The following RASAL2 variants were observed in gnomAD, a reference collection of about 807,000 sequenced individuals.
RASAL2 encodes the protein RAS protein activator like 2, also known as ras GTPase-activating protein nGAP.
In RASAL2, 58 loss-of-function variants were observed where a neutral mutation model predicts 128.9. The ratio of observed to expected loss-of-function variants is 0.45; its 90% CI spans 0.36 to 0.56. The LOEUF (loss-of-function observed/expected upper bound fraction) is 0.56, where lower values mean the gene tolerates loss of function less well. Ranked by LOEUF, RASAL2 falls within the 20% of genes least tolerant of loss-of-function variation. RASAL2 has a pLI of 0.00. For missense variants in RASAL2, 1,360 were observed against 1,601.6 expected, an observed-to-expected ratio of 0.85 and a Z score of 2.57; for synonymous variants, 561 against 580.8, an observed-to-expected ratio of 0.97 and a Z score of 0.49.
At chr1:178,288,777 A>C (rs1667149399) in intron 2 of RASAL2, among the ~76,000 whole-genome samples, 1 of 148,822 alleles carries the variant, frequency 6.7e-6, no homozygotes, top group African/African-American at 2.5e-5. Context: ...TAGCCTCCTG[A>C]GTAGCTGGAA....
At chr1:178,436,152 G>C (rs1458996297) in intron 5 of RASAL2, among the ~76,000 whole-genome samples, 1 of 152,036 alleles carries the variant, frequency 6.6e-6, no homozygotes, top group Non-Finnish European at 1.5e-5. Context: ...GCCAGTCCCA[G>C]GCTGTTTGAT....
chr1:178,315,801 C>A (rs1459536858), intron 3 of RASAL2, among the ~76,000 whole-genome samples: 3 of 134,060 alleles, frequency 2.2e-5, no homozygotes, highest in African/African-American at 9.6e-5. Context: ...TTAATTAGAT[C>A]CCATTTGTCA....
intron 3 of RASAL2, among the ~76,000 whole-genome samples, chr1:178,303,173 G>T (rs529493549): frequency 6.6e-6 from 1 of 152,214 alleles, no homozygotes; most frequent in South Asian, 2.1e-4. Flanking sequence ...TTAGTCATTG[G>T]TGCTGGCTCA....
At chr1:178,390,762 C>G (rs1672856148) in intron 4 of RASAL2, among the ~76,000 whole-genome samples, 1 of 152,140 alleles carries the variant, frequency 6.6e-6, no homozygotes, top group Admixed American at 6.6e-5. Context: ...TATGTAACTA[C>G]ATTAAGTTCA....
chr1:178,299,018 A>T (rs1023984608), intron 2 of RASAL2, among the ~76,000 whole-genome samples: 3 of 151,452 alleles, frequency 2.0e-5, no homozygotes, highest in Non-Finnish European at 4.4e-5. Flanking sequence ...AGTATTAGAG[A>T]TTTTTTTTTA....
chr1:178,158,478 T>C (rs2101890414), intron 1 of RASAL2, among the ~76,000 whole-genome samples: 1 of 152,332 alleles, frequency 6.6e-6, no homozygotes, highest in East Asian at 1.9e-4. Context: ...CAAAATCCTG[T>C]TCTGCCTCAT....
intron 4 of RASAL2, among the ~76,000 whole-genome samples, chr1:178,391,311 T>A (rs1672893793): frequency 3.3e-5 from 5 of 152,190 alleles, no homozygotes; most frequent in South Asian, 4.1e-4. Flanking sequence ...ACTATTTTTT[T>A]AAAAAGTGGA....
chr1:178,305,882 A>G (rs1401211419), intron 3 of RASAL2, among the ~76,000 whole-genome samples: 1 of 152,220 alleles, frequency 6.6e-6, no homozygotes, highest in African/African-American at 2.4e-5. Context: ...GAGGTTAGGA[A>G]GATGAAGTAG....
chr1:178,271,356 T>C (rs764616555), intron 1 of RASAL2, among the ~76,000 whole-genome samples: 7 of 152,230 alleles, frequency 4.6e-5, no homozygotes, highest in African/African-American at 7.2e-5. Context: ...TGTGGGTCCA[T>C]GTCTCTGTCT....
intron 1 of RASAL2, among the ~76,000 whole-genome samples, chr1:178,139,208 ATTGTT>A (rs572072458): frequency 9.2e-5 from 14 of 152,156 alleles, no homozygotes; most frequent in Admixed American, 7.2e-4. Context: ...TTTTGGAAGA[ATTGTT>A]AATCTCTAGT....
chr1:178,220,190 T>C (rs758947378), intron 1 of RASAL2, among the ~76,000 whole-genome samples: 11 of 152,140 alleles, frequency 7.2e-5, no homozygotes, highest in Non-Finnish European at 1.5e-4. Context: ...TGAACAGACC[T>C]CTTTTTTAAA....
intron 1 of RASAL2, among the ~76,000 whole-genome samples, chr1:178,141,397 G>T (rs1026144676): frequency 6.6e-6 from 1 of 151,776 alleles, no homozygotes; most frequent in Non-Finnish European, 1.5e-5. Context: ...AGACTAATTG[G>T]TATTTTAATG....
chr1:178,259,104 T>TAA (rs2102122919), intron 1 of RASAL2, among the ~76,000 whole-genome samples: 1 of 148,940 alleles, frequency 6.7e-6, no homozygotes, highest in South Asian at 2.1e-4. Context: ...GATGGATGTG[T>TAA]AAAGGGCAAT....
chr1:178,472,555 A>G (rs1363543387), intron 17 of RASAL2, among the ~76,000 whole-genome samples: 2 of 152,042 alleles, frequency 1.3e-5, no homozygotes, highest in Admixed American at 6.5e-5. Flanking sequence ...TGGTGACTCT[A>G]CACTGCCACC....
intron 1 of RASAL2, among the ~76,000 whole-genome samples, chr1:178,206,682 A>C (rs1300231958): frequency 1.3e-5 from 2 of 152,214 alleles, no homozygotes; most frequent in Non-Finnish European, 2.9e-5. Context: ...TTGAACCAGT[A>C]ATTTTAACAA....
intron 1 of RASAL2, among the ~76,000 whole-genome samples, chr1:178,177,359 T>C (rs1661931704): frequency 6.6e-6 from 1 of 152,182 alleles, no homozygotes; most frequent in African/African-American, 2.4e-5. Context: ...ATATAATTCA[T>C]TAAATATTCA....
At chr1:178,325,848 C>T (rs1571862219) in intron 3 of RASAL2, among the ~76,000 whole-genome samples, 1 of 152,102 alleles carries the variant, frequency 6.6e-6, no homozygotes, top group East Asian at 1.9e-4. Context: ...TGACTGTAAT[C>T]CTAGCACTTT....
At chr1:178,116,047 A>C (rs1303612622) in intron 1 of RASAL2, among the ~76,000 whole-genome samples, 1 of 152,118 alleles carries the variant, frequency 6.6e-6, no homozygotes, top group Non-Finnish European at 1.5e-5. Flanking sequence ...TATGTATTTT[A>C]TTTAGGGATG....
intron 1 of RASAL2, among the ~76,000 whole-genome samples, chr1:178,197,686 T>C (rs1662713243): frequency 6.6e-6 from 1 of 152,162 alleles, no homozygotes. Context: ...CTATTTATTC[T>C]AGAGAAATTC....
Sources: gnomAD v4.1 joint callset for allele counts (sites outside exome capture counted in the v4.1 genomes callset) on GRCh38, gnomAD v4.1.1 for gene constraint, MANE v1.5 for transcripts, NCBI Gene and HGNC (gene_info 2026-07-23, HGNC 2026-07-21) for gene names.